The following ZDHHC14 variants were observed in gnomAD, a reference collection of about 807,000 sequenced individuals.
ZDHHC14 encodes the protein palmitoyltransferase ZDHHC14.
Under a neutral mutation model 47.7 loss-of-function variants are expected in ZDHHC14, and 16 were observed. The ratio of observed to expected loss-of-function variants is 0.34; its 90% CI spans 0.23 to 0.51. The LOEUF (loss-of-function observed/expected upper bound fraction) is 0.51. ZDHHC14 is among the 20% of genes least tolerant of loss of function. ZDHHC14 has a pLI of 0.97. For synonymous variants in ZDHHC14, 293 were observed against 278.9 expected, an observed-to-expected ratio of 1.05 and a Z score of -0.50; for missense variants, 515 against 662.5, an observed-to-expected ratio of 0.78 and a Z score of 2.44.
chr6:157,422,252 C>T (rs767461040), intron 1 of ZDHHC14, among the ~76,000 whole-genome samples: 1 of 152,170 alleles, frequency 6.6e-6, no homozygotes, highest in Non-Finnish European at 1.5e-5. Flanking sequence ...TGTCAGAAAA[C>T]TCTCTGTGTT....
chr6:157,664,688 G>A (rs1042154547), intron 8 of ZDHHC14, among the ~76,000 whole-genome samples: 5 of 152,184 alleles, frequency 3.3e-5, no homozygotes, highest in South Asian at 2.1e-4. Flanking sequence ...TTGGGATCCC[G>A]GGGATGTGAA....
chr6:157,673,141 G>T lies in ZDHHC14; in HGVS notation c.*19G>T. 6.4e-7 allele frequency: 1 copy of T among 1,550,598 alleles called. No individual in the cohort carries two copies. The highest frequency in any genetic ancestry group is 2.3e-5 in the East Asian group (1 of 43,072). Reference sequence around the variant, plus strand: ...CGTGTGACCCACATGGCCCCAGGCCGGGGGACACCAGAGGCTCCTCCATGG... The same window carrying T: ...CGTGTGACCCACATGGCCCCAGGCCTGGGGACACCAGAGGCTCCTCCATGG... On this transcript the variant is annotated 3_prime_UTR_variant, in exon 9 of 9. Coordinates refer to ENST00000359775, the MANE Select transcript of ZDHHC14 (RefSeq NM_024630.3). The surrounding 1 kb of genome is among the most constrained non-coding windows in gnomAD (Gnocchi z 5.4).
chr6:157,509,947 A>G (rs760103914), intron 1 of ZDHHC14, among the ~76,000 whole-genome samples: 1 of 152,184 alleles, frequency 6.6e-6, no homozygotes, highest in Non-Finnish European at 1.5e-5. Flanking sequence ...CTCCTCTGTT[A>G]AATTCCCTAC....
chr6:157,460,710 T>C (rs1218253145), intron 1 of ZDHHC14, among the ~76,000 whole-genome samples: 2 of 152,224 alleles, frequency 1.3e-5, no homozygotes, highest in Non-Finnish European at 2.9e-5. Flanking sequence ...TTCTTAGTTG[T>C]ACCCTTAAGT....
At chr6:157,492,215 C>T (rs145867168) in intron 1 of ZDHHC14, among the ~76,000 whole-genome samples, 1 of 148,430 alleles carries the variant, frequency 6.7e-6, no homozygotes, top group South Asian at 2.2e-4. Flanking sequence ...CGCCCCCCAG[C>T]CACTGTAGTC....
At chr6:157,449,715 G>A (rs1300854483) in intron 1 of ZDHHC14, among the ~76,000 whole-genome samples, 1 of 152,100 alleles carries the variant, frequency 6.6e-6, no homozygotes, top group Non-Finnish European at 1.5e-5. Flanking sequence ...AGTCTCTGGG[G>A]CACGTGAACT....
intron 3 of ZDHHC14, among the ~76,000 whole-genome samples, chr6:157,597,374 G>A (rs568442817): frequency 2.0e-5 from 3 of 152,324 alleles, no homozygotes; most frequent in South Asian, 2.1e-4. Flanking sequence ...GATGTCTGTC[G>A]TTTGGTGGGC....
intron 1 of ZDHHC14, among the ~76,000 whole-genome samples, chr6:157,461,296 G>C (rs1583666428): frequency 6.6e-6 from 1 of 152,162 alleles, no homozygotes; most frequent in Non-Finnish European, 1.5e-5. Flanking sequence ...GCCATCTGTG[G>C]GCAAAGTCTC....
intron 2 of ZDHHC14, among the ~76,000 whole-genome samples, chr6:157,558,804 A>G (rs2114836903): frequency 6.6e-6 from 1 of 152,122 alleles, no homozygotes; most frequent in South Asian, 2.1e-4. Context: ...AAGCAAACAA[A>G]CAATAAAACA....
Position 157,573,678 on chromosome 6 carries a change from T to C in ZDHHC14, c.407-19310T>C, listed in dbSNP as rs558105517. 7.9e-4 allele frequency among the ~76,000 whole-genome samples: 120 copies of C among 152,332 alleles called. 2 individuals are homozygous for C. The highest frequency in any genetic ancestry group is 2.8e-3 in the African/African-American group (115 of 41,574). The stretch of plus-strand genomic sequence containing the variant: ...CTTAACCCCATGCCCTTCCCATCTT[T>C]GTGCACGTGGTCCAAGCATTCTGGG... On this transcript the variant is annotated intron_variant, in intron 2 of 8. Transcript: ENST00000359775.
chr6:157,654,365 C>T (rs1424046016), intron 8 of ZDHHC14, among the ~76,000 whole-genome samples: 1 of 152,174 alleles, frequency 6.6e-6, no homozygotes, highest in Non-Finnish European at 1.5e-5. Context: ...AGGCAATGGC[C>T]TCTCTTTATT....
chr6:157,580,430 C>T (rs1307533252), intron 2 of ZDHHC14, among the ~76,000 whole-genome samples: 1 of 151,930 alleles, frequency 6.6e-6, no homozygotes, highest in African/African-American at 2.4e-5. Flanking sequence ...GGGAAGAGTC[C>T]CTGCTCATTT....
chr6:157,648,348 C>T (rs1303635833), intron 7 of ZDHHC14, among the ~76,000 whole-genome samples: 2 of 152,166 alleles, frequency 1.3e-5, no homozygotes, highest in Non-Finnish European at 2.9e-5. Context: ...CCACTGTGCA[C>T]CCAGACCTTA....
chr6:157,467,661 T>C (rs989229823), intron 1 of ZDHHC14, among the ~76,000 whole-genome samples: 2 of 152,060 alleles, frequency 1.3e-5, no homozygotes, highest in African/African-American at 4.8e-5. Flanking sequence ...GCGATTCTCC[T>C]GCCTCAGACT....
chr6:157,478,448 T>A (rs891853619), intron 1 of ZDHHC14, among the ~76,000 whole-genome samples: 1 of 152,340 alleles, frequency 6.6e-6, no homozygotes, highest in African/African-American at 2.4e-5. Context: ...TTTATTTTTT[T>A]AAATGGCAAT....
At chr6:157,597,642 T>A (rs1784182481) in intron 3 of ZDHHC14, among the ~76,000 whole-genome samples, 2 of 152,246 alleles carry the variant, frequency 1.3e-5, no homozygotes, top group Non-Finnish European at 2.9e-5. Flanking sequence ...TGGAGGCAGC[T>A]GCAGCCTGGG....
chr6:157,578,603 C>T (rs1421491085), intron 2 of ZDHHC14, among the ~76,000 whole-genome samples: 1 of 152,132 alleles, frequency 6.6e-6, no homozygotes, highest in African/African-American at 2.4e-5. Flanking sequence ...ATTGTAATCC[C>T]CATAATCCCC....
At chr6:157,453,333 A>C (rs1411152089) in intron 1 of ZDHHC14, among the ~76,000 whole-genome samples, 1 of 152,174 alleles carries the variant, frequency 6.6e-6, no homozygotes, top group African/African-American at 2.4e-5. Context: ...AAACGCTGAC[A>C]ATCCTAAATT....
intron 2 of ZDHHC14, among the ~76,000 whole-genome samples, chr6:157,543,927 A>G (rs936398619): frequency 2.0e-5 from 3 of 152,202 alleles, no homozygotes; most frequent in African/African-American, 7.2e-5. Flanking sequence ...GTAGCACTTT[A>G]ATCGTTTGTC....
Sources: allele counts gnomAD v4.1 joint callset (sites outside exome capture counted in the v4.1 genomes callset), GRCh38; gene constraint gnomAD v4.1.1; non-coding constraint Gnocchi (gnomAD v3.1); transcripts MANE v1.5; gene names NCBI Gene and HGNC (gene_info 2026-07-23, HGNC 2026-07-21).